Variants in LRRK1 observed in about 807,000 individuals in gnomAD.
LRRK1 encodes leucine-rich repeat serine/threonine-protein kinase 1.
A neutral mutation model predicts 209.1 loss-of-function variants in LRRK1; 113 were observed. That is an observed-to-expected ratio of 0.54 (90% confidence interval 0.46 to 0.63). The LOEUF is 0.63. LRRK1 is among the 30% of genes least tolerant of loss of function. LRRK1 has a pLI of 0.00. For missense variants in LRRK1, 2,284 were observed against 2,632.2 expected, an observed-to-expected ratio of 0.87 and a Z score of 2.89; for synonymous variants, 1,144 against 1,099.7, an observed-to-expected ratio of 1.04 and a Z score of -0.80.
chr15:101,068,542 G>A (rs2036659391), intron 33 of LRRK1, 129 bp from the exon 34 acceptor site: 2 of 930,516 alleles, frequency 2.1e-6, no homozygotes, highest in Admixed American at 3.0e-5. Context: ...CCCCAGAGAG[G>A]GCTGGCAAGC....
Position 101,066,699 on chromosome 15 carries a change from G to A in LRRK1, c.5828G>A (p.Arg1943Gln), listed in dbSNP as rs376808685. Residue 1943 changes from arginine (R) to glutamine (Q), a missense_variant, in exon 33 of 34, where the codon CGA becomes CAA. Transcript: ENST00000388948. ...AAGGATTCTGGCGCCCAGCGGGGCC[G>A]AGTCATTGCCGTCTTAAAAGCCCGA... The part of the protein sequence containing the change: ...LEKDSGAQRG[R>Q]VIAVLKAREL... 36 of 1,614,200 alleles carry A rather than the reference G, an allele frequency of 2.2e-5. No individual in the cohort carries two copies. The highest frequency in any genetic ancestry group is 1.6e-4 in the Middle Eastern group (1 of 6,062).
At chr15:100,946,370 A>G (rs562314600) in intron 2 of LRRK1, among the ~76,000 whole-genome samples, 1 of 144,250 alleles carries the variant, frequency 6.9e-6, no homozygotes, top group East Asian at 1.9e-4. Context: ...CAATGCCACC[A>G]TAATGACTGG....
chr15:100,929,894 C>A (rs964736090), intron 2 of LRRK1, among the ~76,000 whole-genome samples: 1 of 152,190 alleles, frequency 6.6e-6, no homozygotes, highest in East Asian at 1.9e-4. Flanking sequence ...AGGTGGCAGG[C>A]GAGGTGGCTG....
At chr15:100,947,869 AT>A (rs1430618130) in intron 2 of LRRK1, among the ~76,000 whole-genome samples, 1 of 152,230 alleles carries the variant, frequency 6.6e-6, no homozygotes, top group African/African-American at 2.4e-5. Flanking sequence ...AGGAGGAGAA[AT>A]GAATATTTAT....
intron 1 of LRRK1, among the ~76,000 whole-genome samples, chr15:100,921,590 G>T (rs1478214667): frequency 3.3e-5 from 5 of 152,300 alleles, no homozygotes; most frequent in Admixed American, 2.0e-4. Context: ...TAAAATATCT[G>T]GGCTTCTCTG....
At chr15:100,950,969 G>A (rs1222567869) in intron 2 of LRRK1, among the ~76,000 whole-genome samples, 3 of 152,200 alleles carry the variant, frequency 2.0e-5, no homozygotes, top group South Asian at 2.1e-4. Context: ...CGGGCGTGGT[G>A]GCGGGCGCCT....
intron 13 of LRRK1, 107 bp from the exon 14 acceptor site, chr15:101,021,738 G>A: frequency 1.4e-6 from 1 of 719,372 alleles, no homozygotes; most frequent in Non-Finnish European, 2.4e-6. Context: ...GGGGTCTGGG[G>A]TACAGGCTGC....
chr15:100,973,409 T>C (rs1365750374), intron 2 of LRRK1, among the ~76,000 whole-genome samples: 2 of 152,266 alleles, frequency 1.3e-5, no homozygotes, highest in East Asian at 3.9e-4. Context: ...AGGTGGCCTG[T>C]CTTTCCCCCG....
At chr15:100,994,347 C>G (rs1202059686) in intron 6 of LRRK1, among the ~76,000 whole-genome samples, 1 of 152,192 alleles carries the variant, frequency 6.6e-6, no homozygotes, top group Non-Finnish European at 1.5e-5. Flanking sequence ...TCCTGATGCT[C>G]AGACCACATC....
At chr15:101,023,797 A>G (rs1249506783) in intron 15 of LRRK1, among the ~76,000 whole-genome samples, 2 of 152,326 alleles carry the variant, frequency 1.3e-5, no homozygotes, top group Middle Eastern at 3.4e-3. Flanking sequence ...CAAGGGGTGA[A>G]GCGCTGCCTG....
At chr15:100,978,538 C>G (rs12903343) in intron 3 of LRRK1, among the ~76,000 whole-genome samples, 1 of 151,878 alleles carries the variant, frequency 6.6e-6, no homozygotes, top group Non-Finnish European at 1.5e-5. Context: ...ATCCAAAAGA[C>G]AAAAATCACC....
chr15:100,932,108 C>T (rs1284488779), intron 2 of LRRK1, among the ~76,000 whole-genome samples: 1 of 152,198 alleles, frequency 6.6e-6, no homozygotes, highest in Non-Finnish European at 1.5e-5. Context: ...GCCTCAGCCT[C>T]CTGAGTAGCT....
At position 101,068,898 on chromosome 15, in the gene LRRK1, A is replaced by G. The variant is rs759070493; in HGVS notation, c.*50A>G. The G allele has an allele frequency of 7.3e-6, 11 of 1,511,794 alleles. No homozygotes were observed. Among genetic ancestry groups the G allele is most frequent in the Non-Finnish European group, 9.8e-6 (11 of 1,122,584 alleles). The allele number at this position is 1,511,794 out of a possible 1,614,324, so 93.6% of individuals were successfully genotyped here. A position where few individuals can be genotyped will look rare whatever the true frequency, so the allele number is the denominator to read the frequency against. ...TCAGAGCTGGCTGGCCCGGGGCTGC[A>G]GCCTGACCCCTCTGCCATCGGCCTC... On this transcript the variant is annotated 3_prime_UTR_variant, in exon 34 of 34. Coordinates refer to ENST00000388948, the MANE Select transcript of LRRK1 (RefSeq NM_024652.6).
chr15:100,977,187 G>GGA (rs1555463242), intron 3 of LRRK1, among the ~76,000 whole-genome samples: 7 of 142,712 alleles, frequency 4.9e-5, no homozygotes, highest in Non-Finnish European at 7.5e-5. Flanking sequence ...CTGGCACAGA[G>GGA]AAAAAAAAAA....
chr15:101,048,243 AG>A (rs1337632958), intron 21 of LRRK1, among the ~76,000 whole-genome samples: 8 of 152,218 alleles, frequency 5.3e-5, no homozygotes, highest in Non-Finnish European at 1.0e-4. Flanking sequence ...AAAGTCAGAA[AG>A]GGAAAAAAAT....
intron 29 of LRRK1, among the ~76,000 whole-genome samples, chr15:101,060,199 T>G (rs750936173): frequency 6.6e-6 from 1 of 152,138 alleles, no homozygotes; most frequent in Non-Finnish European, 1.5e-5. Flanking sequence ...ACTTGAGATC[T>G]GTCTGAGAAT....
chr15:101,053,066 G>A lies in LRRK1; in HGVS notation c.3834G>A (p.Lys1278=), dbSNP rs200248531. 6.2e-7 allele frequency: 1 copy of A among 1,610,830 alleles called. No individual in the cohort carries two copies. The highest frequency in any genetic ancestry group is 8.5e-7 in the Non-Finnish European group (1 of 1,177,836). ...AVKRFHIKKF[K]NFANVPADTM... Reference sequence around the variant, plus strand: ...AGCGCTTCCACATCAAAAAATTCAAGAACTTTGCTAACGTACCGGCAGGTA... The same window carrying A: ...AGCGCTTCCACATCAAAAAATTCAAAAACTTTGCTAACGTACCGGCAGGTA... Residue 1278 remains lysine, a synonymous_variant, in exon 25 of 34, where the codon AAG becomes AAA. Coordinates refer to ENST00000388948, the MANE Select transcript of LRRK1 (RefSeq NM_024652.6).
chr15:101,032,207 G>A lies in LRRK1; in HGVS notation c.2963+2975G>A, dbSNP rs187019710. ...CTTCTTCTGTGAAGTGTCTATTCAA[G>A]TTTTATGCCTATTTTATGATTAGAA... On this transcript the variant is annotated intron_variant, in intron 20 of 33. Coordinates refer to ENST00000388948, the MANE Select transcript of LRRK1 (RefSeq NM_024652.6). 5.4e-3 allele frequency among the ~76,000 whole-genome samples: 817 copies of A among 152,206 alleles called. 5 individuals carry two copies. The highest frequency in any genetic ancestry group is 6.5e-3 in the Non-Finnish European group (440 of 68,018).
intron 33 of LRRK1, among the ~76,000 whole-genome samples, chr15:101,067,713 G>A (rs1274673260): frequency 1.3e-5 from 2 of 152,184 alleles, no homozygotes; most frequent in African/African-American, 4.8e-5. Context: ...GGTTCTGGAA[G>A]CAAGATCTGG....
Sources: gnomAD v4.1 joint callset for allele counts (sites outside exome capture counted in the v4.1 genomes callset) on GRCh38, gnomAD v4.1.1 for gene constraint, MANE v1.5 for transcripts, NCBI Gene and HGNC (gene_info 2026-07-23, HGNC 2026-07-21) for gene names.